Variants in ZNF654 observed in about 807,000 individuals in gnomAD.
ZNF654 encodes the protein zinc finger protein 654.
A neutral mutation model predicts 95.3 loss-of-function variants in ZNF654; 19 were observed. That is an observed-to-expected ratio of 0.20 (90% confidence interval 0.14 to 0.29). The LOEUF (loss-of-function observed/expected upper bound fraction) is 0.29. ZNF654 is among the 10% of genes least tolerant of loss of function. The pLI, the probability that ZNF654 is intolerant of heterozygous loss-of-function variation, is 1.00. For synonymous variants in ZNF654, 413 were observed against 457.9 expected, an observed-to-expected ratio of 0.90 and a Z score of 1.25; for missense variants, 1,046 against 1,341.0, an observed-to-expected ratio of 0.78 and a Z score of 3.44.
At chr3:88,092,611 T>C (rs1703810562) in intron 2 of ZNF654, among the ~76,000 whole-genome samples, 1 of 152,226 alleles carries the variant, frequency 6.6e-6, no homozygotes, top group Non-Finnish European at 1.5e-5. Context: ...ATATTTATTA[T>C]CTGTTTTTAC....
chr3:88,079,108 T>G (rs111600236), intron 1 of ZNF654, among the ~76,000 whole-genome samples: 189 of 152,184 alleles, frequency 1.2e-3, no homozygotes, highest in Non-Finnish European at 2.1e-3. Flanking sequence ...TGGATCTATA[T>G]GAAAAAGAGC....
intron 1 of ZNF654, among the ~76,000 whole-genome samples, chr3:88,072,433 C>G (rs879934294): frequency 1.3e-5 from 2 of 152,098 alleles, no homozygotes; most frequent in Admixed American, 6.5e-5. Flanking sequence ...ATAATCCTGC[C>G]CCATCTAGCT....
At chr3:88,099,463 T>C (rs1454915633) in intron 2 of ZNF654, among the ~76,000 whole-genome samples, 4 of 152,102 alleles carry the variant, frequency 2.6e-5, no homozygotes, top group Non-Finnish European at 4.4e-5. Context: ...CTTCACAGAA[T>C]TGGAAAAAAC....
chr3:88,107,073 T>C (rs1704787643), intron 2 of ZNF654, among the ~76,000 whole-genome samples: 1 of 152,212 alleles, frequency 6.6e-6, no homozygotes, highest in African/African-American at 2.4e-5. Flanking sequence ...AGATACACAA[T>C]TTTGTAATGA....
chr3:88,108,499 A>C (rs1704884042), intron 2 of ZNF654, among the ~76,000 whole-genome samples: 1 of 152,212 alleles, frequency 6.6e-6, no homozygotes, highest in South Asian at 2.1e-4. Context: ...TGGTCCAAAA[A>C]TGTTAAATAG....
At chr3:88,110,771 G>A (rs867506260) in intron 2 of ZNF654, among the ~76,000 whole-genome samples, 1 of 152,060 alleles carries the variant, frequency 6.6e-6, no homozygotes, top group African/African-American at 2.4e-5. Flanking sequence ...GGAAACAAGA[G>A]GTTTCTAATT....
chr3:88,140,382 A>G lies in ZNF654; in HGVS notation c.2713A>G (p.Lys905Glu). The G allele has an allele frequency of 1.9e-6, 3 of 1,613,260 alleles. No homozygotes were observed. Among genetic ancestry groups the G allele is most frequent in the Non-Finnish European group, 2.5e-6 (3 of 1,179,526 alleles). The part of the protein sequence containing the change: ...NQEKDSSSNE[K>E]QTISLPVSTS... ...GGAAAAAGACTCATCTAGTAATGAG[A>G]AACAAACTATTAGTCTGCCAGTTTC... The change falls in exon 8 of 9, where the codon AAA (lysine) becomes GAA (glutamate). Residue 905 changes from lysine (K) to glutamate (E), a missense_variant. Physicochemically the swap from Lys to Glu is moderately conservative, Grantham distance 56. Coordinates refer to ENST00000636215, the MANE Select transcript of ZNF654 (RefSeq NM_001350134.2).
chr3:88,059,962 CT>C, intron 1 of ZNF654, among the ~76,000 whole-genome samples: 1 of 152,136 alleles, frequency 6.6e-6, no homozygotes, highest in East Asian at 1.9e-4. Flanking sequence ...GACATGCCAT[CT>C]TTCCTGTCAC....
At chr3:88,067,878 TTTTC>T (rs1450466459) in intron 1 of ZNF654, among the ~76,000 whole-genome samples, 28 of 151,732 alleles carry the variant, frequency 1.8e-4, no homozygotes, top group Middle Eastern at 3.4e-3. Context: ...TAAAATTTTC[TTTTC>T]TTTCTTTTTT....
At chr3:88,081,828 G>A (rs1708090898) in intron 1 of ZNF654, among the ~76,000 whole-genome samples, 1 of 152,176 alleles carries the variant, frequency 6.6e-6, no homozygotes, top group Admixed American at 6.5e-5. Context: ...CAAGATTTGG[G>A]CACTAAGTGT....
chr3:88,075,028 A>G (rs1376726591), intron 1 of ZNF654, among the ~76,000 whole-genome samples: 1 of 152,220 alleles, frequency 6.6e-6, no homozygotes, highest in Non-Finnish European at 1.5e-5. Flanking sequence ...TGAAAGTAGT[A>G]TCCTAATTTC....
Position 88,138,694 on chromosome 3 carries a change from T to G in ZNF654, c.1036-11T>G. ...AAAAAGTATTTAGCACTAATATTTT[T>G]CTTTTTACAGGTTGAAGAAGAAGGC... On this transcript the variant is annotated splice_polypyrimidine_tract_variant and intron_variant, in intron 7 of 8. Transcript: ENST00000636215. The G allele has an allele frequency of 1.6e-6, 2 of 1,230,380 alleles. No homozygotes were observed. The highest frequency in any genetic ancestry group is 3.2e-5 in the East Asian group (1 of 31,672). 76.2% of individuals were successfully genotyped at this position (1,230,380 alleles called of 1,614,324 possible).
intron 1 of ZNF654, among the ~76,000 whole-genome samples, chr3:88,071,700 A>T (rs1707524276): frequency 6.6e-6 from 1 of 151,492 alleles, no homozygotes; most frequent in Non-Finnish European, 1.5e-5. Flanking sequence ...GCTATTCAGG[A>T]GGATGAGGCA....
chr3:88,140,647 C>T lies in ZNF654; in HGVS notation c.2978C>T (p.Pro993Leu), dbSNP rs184110381. Reference protein sequence around the residue: ...IEQTPLVSSDPALKIDTNRIR... With the variant: ...IEQTPLVSSDLALKIDTNRIR... ...CAAACACCTTTAGTTTCATCAGATC[C>T]TGCTTTGAAAATTGATACAAACAGA... Residue 993 changes from proline (P) to leucine (L), a missense_variant, in exon 8 of 9, where the codon CCT (proline) becomes CTT (leucine). Physicochemically the swap from Pro to Leu is moderately conservative, Grantham distance 98. Transcript: ENST00000636215. The T allele has an allele frequency of 2.4e-5, 38 of 1,613,700 alleles. No homozygotes were observed. Among genetic ancestry groups the T allele is most frequent in the Non-Finnish European group, 3.1e-5 (37 of 1,179,734 alleles).
chr3:88,076,378 C>T (rs1055282052), intron 1 of ZNF654, among the ~76,000 whole-genome samples: 27 of 151,698 alleles, frequency 1.8e-4, no homozygotes, highest in Non-Finnish European at 3.4e-4. Flanking sequence ...AATTTTTTTT[C>T]CCCATTTTCA....
At position 88,140,534 on chromosome 3, in the gene ZNF654, G is replaced by A; in HGVS notation, c.2865G>A (p.Leu955=). The A allele has an allele frequency of 1.2e-6, 2 of 1,613,708 alleles. No homozygotes were observed. The highest frequency in any genetic ancestry group is 1.7e-6 in the Non-Finnish European group (2 of 1,179,728). The change falls in exon 8 of 9, where the codon TTG becomes TTA. Residue 955 remains leucine (L), a synonymous_variant. Transcript: ENST00000636215. The part of the protein sequence containing the change: ...RSDDTVSNIS[L]IDQKMPDIEP... The stretch of plus-strand genomic sequence containing the variant: ...ATGACACTGTTTCAAATATAAGCTT[G>A]ATAGACCAAAAGATGCCTGACATAG...
At chr3:88,131,351 CAT>C (rs572336523) in intron 6 of ZNF654, among the ~76,000 whole-genome samples, 89 of 152,192 alleles carry the variant, frequency 5.8e-4, no homozygotes, top group South Asian at 1.2e-3. Context: ...CATTTTTTGA[CAT>C]GTGGTTATTT....
In ZNF654 at chr3:88,139,600, C is replaced by T. The variant is rs745307128; in HGVS notation, c.1931C>T (p.Thr644Ile). The change falls in exon 8 of 9, where the codon ACT (threonine) becomes ATT (isoleucine). Residue 644 changes from threonine (T) to isoleucine (I), a missense_variant. Thr to Ile is a moderately conservative substitution (Grantham distance 89, BLOSUM62 -1). Transcript: ENST00000636215. The part of the protein sequence containing the change: ...DSKDLEVETL[T>I]ASSEGNKEVI... Reference sequence around the variant, plus strand: ...AAGGATTTGGAAGTGGAGACACTTACTGCTTCTAGTGAAGGAAACAAAGAA... The same window carrying T: ...AAGGATTTGGAAGTGGAGACACTTATTGCTTCTAGTGAAGGAAACAAAGAA... The T allele has an allele frequency of 3.3e-5, 53 of 1,613,722 alleles. No individual in the cohort carries two copies. In the Admixed American group the frequency reaches 8.5e-4, roughly 26 times the overall value.
At chr3:88,099,547 G>A (rs936922374) in intron 2 of ZNF654, among the ~76,000 whole-genome samples, 1 of 87,718 alleles carries the variant, frequency 1.1e-5, no homozygotes, top group African/African-American at 3.3e-5. Flanking sequence ...AACAAAGCTG[G>A]AGGCATCACA....
Sources: gnomAD v4.1 joint callset for allele counts (sites outside exome capture counted in the v4.1 genomes callset) on GRCh38, gnomAD v4.1.1 for gene constraint, MANE v1.5 for transcripts, NCBI Gene and HGNC (gene_info 2026-07-23, HGNC 2026-07-21) for gene names.